The following PPP1R9A variants were observed in gnomAD, a reference collection of about 807,000 sequenced individuals.
The protein encoded by PPP1R9A is neurabin-1.
In PPP1R9A, 59 loss-of-function variants were observed where a neutral mutation model predicts 141.9. That is an observed-to-expected ratio of 0.42 (90% CI 0.34 to 0.52). PPP1R9A has a LOEUF of 0.52. Among genes scored for constraint, PPP1R9A ranks in the 20% least tolerant of loss-of-function variants. PPP1R9A has a pLI of 0.10. For synonymous variants in PPP1R9A, 500 were observed against 569.7 expected, an observed-to-expected ratio of 0.88 and a Z score of 1.74; for missense variants, 1,444 against 1,611.9, an observed-to-expected ratio of 0.90 and a Z score of 1.78.
chr7:94,979,838 A>G (rs1799874658), intron 2 of PPP1R9A, among the ~76,000 whole-genome samples: 1 of 152,166 alleles, frequency 6.6e-6, no homozygotes, highest in Admixed American at 6.5e-5. Context: ...TGCAGGCATA[A>G]CTCAATTATC....
chr7:95,079,254 C>G (rs891625881), intron 2 of PPP1R9A, among the ~76,000 whole-genome samples: 2 of 152,146 alleles, frequency 1.3e-5, no homozygotes, highest in Admixed American at 1.3e-4. Context: ...TTCCCCATTT[C>G]TTGTTTTTCT....
At chr7:94,950,962 G>C (rs575831606) in intron 2 of PPP1R9A, among the ~76,000 whole-genome samples, 30 of 152,114 alleles carry the variant, frequency 2.0e-4, no homozygotes, top group Admixed American at 1.8e-3. Context: ...TGCCCAGGCT[G>C]GTCTCGAACT....
intron 5 of PPP1R9A, among the ~76,000 whole-genome samples, chr7:95,187,645 A>G (rs1834845645): frequency 6.6e-6 from 1 of 152,142 alleles, no homozygotes; most frequent in South Asian, 2.1e-4. Flanking sequence ...AGTTAATGCT[A>G]TGAACTTTCC....
intron 2 of PPP1R9A, among the ~76,000 whole-genome samples, chr7:94,969,747 G>T (rs116036998): frequency 6.6e-6 from 1 of 152,134 alleles, no homozygotes; most frequent in Non-Finnish European, 1.5e-5. Flanking sequence ...TGCGCCCAGA[G>T]CCACCCTTTC....
intron 2 of PPP1R9A, among the ~76,000 whole-genome samples, chr7:94,993,225 T>C (rs1399985494): frequency 6.6e-6 from 1 of 152,062 alleles, no homozygotes. Context: ...TTTATGTATT[T>C]TATATATTTC....
intron 9 of PPP1R9A, among the ~76,000 whole-genome samples, chr7:95,248,872 G>C (rs1314982347): frequency 6.6e-6 from 1 of 152,050 alleles, no homozygotes; most frequent in Non-Finnish European, 1.5e-5. Flanking sequence ...AATGTGTTTA[G>C]TTAAAAATAT....
intron 7 of PPP1R9A, among the ~76,000 whole-genome samples, chr7:95,208,968 A>AAAAAAAAAAAAAAAAAAAAAC (rs1791486237): frequency 6.7e-6 from 1 of 148,360 alleles, no homozygotes; most frequent in Admixed American, 6.8e-5. Context: ...AAAAAAAAAA[A>AAAAAAAAAAAAAAAAAAAAAC]AAAAAAAAAA....
intron 8 of PPP1R9A, among the ~76,000 whole-genome samples, chr7:95,245,310 A>G (rs554212878): frequency 6.6e-6 from 1 of 152,122 alleles, no homozygotes; most frequent in African/African-American, 2.4e-5. Context: ...GCACATAGCA[A>G]CTCTTCAACG....
chr7:95,190,850 C>T (rs942277238), intron 5 of PPP1R9A, among the ~76,000 whole-genome samples: 3 of 152,200 alleles, frequency 2.0e-5, no homozygotes, highest in African/African-American at 7.2e-5. Context: ...GTGGGAGCTG[C>T]ATGTCAGCCC....
intron 2 of PPP1R9A, among the ~76,000 whole-genome samples, chr7:94,936,674 G>A (rs1228589994): frequency 6.6e-6 from 1 of 151,812 alleles, no homozygotes; most frequent in African/African-American, 2.4e-5. Flanking sequence ...GTGTGTGTGT[G>A]TGTGTGTGTT....
chr7:94,973,469 T>C (rs763298341), intron 2 of PPP1R9A, among the ~76,000 whole-genome samples: 5 of 151,838 alleles, frequency 3.3e-5, no homozygotes, highest in African/African-American at 7.3e-5. Context: ...GTGAACGTTA[T>C]AGATTTTGGA....
chr7:95,099,592 C>T (rs1251517380), intron 2 of PPP1R9A, among the ~76,000 whole-genome samples: 1 of 152,170 alleles, frequency 6.6e-6, no homozygotes, highest in Non-Finnish European at 1.5e-5. Context: ...GCTAAGTTTA[C>T]ATTTATGAAG....
chr7:95,273,604 T>G (rs908763787), intron 14 of PPP1R9A, among the ~76,000 whole-genome samples: 3 of 152,198 alleles, frequency 2.0e-5, no homozygotes, highest in African/African-American at 7.2e-5. Flanking sequence ...TGGTCCCTAC[T>G]TCGAATGCAG....
At chr7:95,203,865 A>G in intron 7 of PPP1R9A, 135 bp downstream of exon 7, 1 of 564,306 alleles carries the variant, frequency 1.8e-6, no homozygotes. Context: ...TGTGCATTGA[A>G]TAATAGTTTG....
intron 4 of PPP1R9A, among the ~76,000 whole-genome samples, chr7:95,137,415 C>CAAAAAAAAA (rs33928009): frequency 4.4e-5 from 4 of 91,490 alleles, no homozygotes; most frequent in African/African-American, 1.7e-4. Context: ...GACATGAACT[C>CAAAAAAAAA]AAAAAAAAAA....
chr7:95,203,819 G>C (rs753529917), intron 7 of PPP1R9A, 89 bp downstream of exon 7: 49 of 979,532 alleles, frequency 5.0e-5, no homozygotes, highest in Non-Finnish European at 6.9e-5. Context: ...TTAACTATCT[G>C]TATGTTCTGA....
intron 2 of PPP1R9A, among the ~76,000 whole-genome samples, chr7:95,068,438 C>T (rs1813273229): frequency 7.7e-6 from 1 of 129,894 alleles, no homozygotes; most frequent in Non-Finnish European, 1.5e-5. Context: ...CCATTACACT[C>T]CAGCCTGGGT....
intron 2 of PPP1R9A, among the ~76,000 whole-genome samples, chr7:94,986,000 G>A (rs747940781): frequency 2.6e-5 from 4 of 152,132 alleles, no homozygotes; most frequent in Non-Finnish European, 5.9e-5. Context: ...AAGTGAGTTT[G>A]CACAAGTTTT....
intron 2 of PPP1R9A, among the ~76,000 whole-genome samples, chr7:94,959,443 A>T (rs1255562063): frequency 2.3e-4 from 35 of 151,740 alleles, no homozygotes; most frequent in East Asian, 1.9e-4. Context: ...TGTTATAAGT[A>T]TATCAAATTT....
Sources: gnomAD v4.1 joint callset for allele counts (sites outside exome capture counted in the v4.1 genomes callset) on GRCh38, gnomAD v4.1.1 for gene constraint, MANE v1.5 for transcripts, NCBI Gene and HGNC (gene_info 2026-07-23, HGNC 2026-07-21) for gene names.